RAB3C: variants seen among roughly 807,000 people sequenced by gnomAD.
RAB3C encodes the protein RAB3C, member RAS oncogene family, also known as ras-related protein Rab-3C.
RAB3C carries 17 observed loss-of-function variants against 26.4 expected under a neutral mutation model. The observed-to-expected ratio is 0.64, with a 90% CI of 0.44 to 0.97. The LOEUF is 0.97. Ranked by LOEUF, RAB3C falls within the 50% of genes least tolerant of loss-of-function variation. The probability of loss-of-function intolerance (pLI) is 0.00; values close to 1 mark genes in which losing one functional copy is unlikely to be tolerated. For synonymous variants in RAB3C, 91 were observed against 95.9 expected (o/e 0.95, Z 0.30); for missense variants, 242 against 281.9 (o/e 0.86, Z 1.01).
chr5:58,622,016 C>T (rs536142575), intron 2 of RAB3C, among the ~76,000 whole-genome samples: 4 of 152,300 alleles, frequency 2.6e-5, no homozygotes, highest in African/African-American at 4.8e-5. Flanking sequence ...AGATTTGCAA[C>T]AGTCTACATT....
chr5:58,675,863 TCC>T (rs1748214407), intron 2 of RAB3C, among the ~76,000 whole-genome samples: 2 of 152,106 alleles, frequency 1.3e-5, no homozygotes, highest in African/African-American at 4.8e-5. Context: ...GCGTCAGCTT[TCC>T]CCTCTGGTCT....
intron 4 of RAB3C, among the ~76,000 whole-genome samples, chr5:58,832,032 A>G (rs915362445): frequency 8.5e-5 from 13 of 152,164 alleles, no homozygotes; most frequent in Non-Finnish European, 2.9e-5. Context: ...TACAGAAAAA[A>G]CAAGGGGCAG....
chr5:58,686,679 TAC>T (rs1016350259), intron 2 of RAB3C, among the ~76,000 whole-genome samples: 12 of 146,014 alleles, frequency 8.2e-5, no homozygotes, highest in African/African-American at 3.0e-4. Flanking sequence ...CACACACACA[TAC>T]ACACACACAC....
intron 2 of RAB3C, among the ~76,000 whole-genome samples, chr5:58,637,737 T>C (rs1466597601): frequency 6.6e-6 from 1 of 152,034 alleles, no homozygotes; most frequent in Non-Finnish European, 1.5e-5. Context: ...TTGTAGAAAA[T>C]GTGCAAATAC....
intron 3 of RAB3C, among the ~76,000 whole-genome samples, chr5:58,740,940 GCA>G (rs1741261078): frequency 6.6e-6 from 1 of 152,180 alleles, no homozygotes; most frequent in Non-Finnish European, 1.5e-5. Context: ...GACACCAGCT[GCA>G]AATTTGGGAG....
intron 2 of RAB3C, among the ~76,000 whole-genome samples, chr5:58,686,276 A>G (rs1748442546): frequency 6.6e-6 from 1 of 152,114 alleles, no homozygotes; most frequent in Non-Finnish European, 1.5e-5. Context: ...AAAGGGATCA[A>G]AGACAAATAC....
At chr5:58,665,134 T>C (rs894331426) in intron 2 of RAB3C, among the ~76,000 whole-genome samples, 5 of 152,202 alleles carry the variant, frequency 3.3e-5, no homozygotes, top group African/African-American at 1.2e-4. Context: ...ACAGCACACA[T>C]ATTTCTGTAT....
At chr5:58,696,242 T>C (rs954304754) in intron 2 of RAB3C, among the ~76,000 whole-genome samples, 3 of 152,240 alleles carry the variant, frequency 2.0e-5, no homozygotes, top group Admixed American at 6.5e-5. Context: ...TTAGCATATG[T>C]TGAACCAGCC....
chr5:58,743,044 T>C (rs1741309749), intron 3 of RAB3C, among the ~76,000 whole-genome samples: 2 of 152,178 alleles, frequency 1.3e-5, no homozygotes, highest in Non-Finnish European at 2.9e-5. Flanking sequence ...CTGAGTCTGA[T>C]GAGGAGAGCT....
intron 3 of RAB3C, among the ~76,000 whole-genome samples, chr5:58,738,651 A>T (rs993697141): frequency 6.6e-6 from 1 of 152,180 alleles, no homozygotes; most frequent in Admixed American, 6.6e-5. Context: ...AATTATGTAG[A>T]TGCAGCCTTA....
intron 2 of RAB3C, among the ~76,000 whole-genome samples, chr5:58,669,458 A>T (rs562836963): frequency 2.6e-5 from 4 of 152,204 alleles, no homozygotes; most frequent in African/African-American, 9.6e-5. Flanking sequence ...CTTACATCCA[A>T]CCCACTTCCC....
intron 4 of RAB3C, among the ~76,000 whole-genome samples, chr5:58,837,140 T>C (rs1330394920): frequency 1.3e-5 from 2 of 152,198 alleles, no homozygotes; most frequent in Non-Finnish European, 2.9e-5. Flanking sequence ...TGATTGGTGA[T>C]GTTGAACATT....
At position 58,764,606 on chromosome 5, in the gene RAB3C, A is replaced by G. The variant is rs371162319; in HGVS notation, c.371+38486A>G. Among the ~76,000 whole-genome samples, 18 of 152,324 alleles carry G rather than the reference A, an allele frequency of 1.2e-4. No individual in the cohort carries two copies. The East Asian group carries it at 3.1e-3, about 26-fold the overall frequency. ...ATTCACTTAGACTAGGAAAATCTTC[A>G]GTTAAAAGGCAGAAACTTCTCACTT... On this transcript the variant is annotated intron_variant, in intron 3 of 4. Transcript: ENST00000282878.
chr5:58,830,175 A>T (rs572145315), intron 4 of RAB3C, among the ~76,000 whole-genome samples: 9 of 152,346 alleles, frequency 5.9e-5, no homozygotes, highest in Non-Finnish European at 1.2e-4. Flanking sequence ...TGGCTTAATT[A>T]AACAATTTCT....
intron 1 of RAB3C, among the ~76,000 whole-genome samples, chr5:58,590,306 C>A (rs1746101548): frequency 6.6e-6 from 1 of 151,990 alleles, no homozygotes; most frequent in Non-Finnish European, 1.5e-5. Context: ...GTAGTGATAT[C>A]CCCTTTCTTT....
chr5:58,693,344 A>G (rs983546336), intron 2 of RAB3C, among the ~76,000 whole-genome samples: 40 of 140,948 alleles, frequency 2.8e-4, no homozygotes, highest in South Asian at 1.5e-3. Flanking sequence ...GTGTATATAT[A>G]TATATATATA....
chr5:58,588,576 A>G (rs1746060750), intron 1 of RAB3C, among the ~76,000 whole-genome samples: 1 of 152,076 alleles, frequency 6.6e-6, no homozygotes. Flanking sequence ...GTTGCAAGAG[A>G]TCTTTCATCT....
chr5:58,741,309 G>A (rs1030478859), intron 3 of RAB3C, among the ~76,000 whole-genome samples: 7 of 152,246 alleles, frequency 4.6e-5, no homozygotes, highest in South Asian at 2.1e-4. Context: ...ATGACTGATC[G>A]AATCCTTGCC....
At chr5:58,695,834 G>A (rs936854793) in intron 2 of RAB3C, among the ~76,000 whole-genome samples, 7 of 152,082 alleles carry the variant, frequency 4.6e-5, no homozygotes, top group African/African-American at 1.4e-4. Flanking sequence ...TGAGACGATG[G>A]GGTTTTCTAA....
Sources: allele counts gnomAD v4.1 joint callset (sites outside exome capture counted in the v4.1 genomes callset), GRCh38; gene constraint gnomAD v4.1.1; transcripts MANE v1.5; gene names NCBI Gene and HGNC (gene_info 2026-07-23, HGNC 2026-07-21).